Variants in SORT1 observed in about 807,000 individuals in gnomAD.
SORT1 encodes the protein sortilin.
In SORT1, 39 loss-of-function variants were observed where a neutral mutation model predicts 101.7. That is an observed-to-expected ratio of 0.38 (90% confidence interval 0.30 to 0.50). The LOEUF is 0.50. Among genes scored for constraint, SORT1 ranks in the 20% least tolerant of loss-of-function variants. The probability of loss-of-function intolerance (pLI) is 0.90; values close to 1 mark genes in which losing one functional copy is unlikely to be tolerated. For synonymous variants in SORT1, 396 were observed against 393.7 expected (o/e 1.01, Z -0.07); for missense variants, 878 against 1,040.4 (o/e 0.84, Z 2.15).
chr1:109,359,789 C>T (rs536872886), intron 3 of SORT1, among the ~76,000 whole-genome samples: 2 of 152,146 alleles, frequency 1.3e-5, no homozygotes, highest in East Asian at 1.9e-4. Flanking sequence ...CATGAGTTAC[C>T]GCATCTGGCC....
intron 19 of SORT1, 37 bp downstream of exon 19, chr1:109,314,224 G>T (rs762887402): frequency 1.0e-5 from 15 of 1,479,636 alleles, no homozygotes; most frequent in South Asian, 6.9e-5. Context: ...ATTTTTTGGG[G>T]GGGGGGGTAC....
chr1:109,330,166 A>AT (rs929648812), intron 11 of SORT1, among the ~76,000 whole-genome samples: 68 of 149,120 alleles, frequency 4.6e-4, no homozygotes, highest in East Asian at 2.0e-3. Context: ...ACGCCCAGCT[A>AT]TTTTTTTTTT....
chr1:109,353,845 G>C (rs187444987), intron 5 of SORT1, among the ~76,000 whole-genome samples: 2 of 152,196 alleles, frequency 1.3e-5, no homozygotes, highest in Admixed American at 6.5e-5. Flanking sequence ...AGAAGTGGGA[G>C]GGTTAGGGAA....
chr1:109,344,445 T>TC (rs1463955995), intron 8 of SORT1, among the ~76,000 whole-genome samples: 1 of 152,038 alleles, frequency 6.6e-6, no homozygotes, highest in African/African-American at 2.4e-5. Context: ...TTCTCTGTGC[T>TC]CCCCCCATAC....
At chr1:109,343,683 C>G (rs1455239025) in intron 8 of SORT1, among the ~76,000 whole-genome samples, 1 of 152,208 alleles carries the variant, frequency 6.6e-6, no homozygotes, top group African/African-American at 2.4e-5. Flanking sequence ...GAGTCTCACT[C>G]TGTTTCCCAG....
At chr1:109,396,837 A>T (rs1557833345) in intron 1 of SORT1, among the ~76,000 whole-genome samples, 2 of 152,224 alleles carry the variant, frequency 1.3e-5, no homozygotes, top group African/African-American at 2.4e-5. Context: ...GAAGCAAGGA[A>T]CCAGGACTTT....
At position 109,373,381 on chromosome 1, in the gene SORT1, G is replaced by C. The variant is rs552201257; in HGVS notation, c.307-3792C>G. On this transcript the variant is annotated intron_variant, in intron 1 of 19. Transcript: ENST00000256637. Reference sequence around the variant, plus strand: ...AAAAAATTCTGGAGATCTGAGCAGGGGGCCTCCCCAGCCACCCCACCAAGT... The same window carrying C: ...AAAAAATTCTGGAGATCTGAGCAGGCGGCCTCCCCAGCCACCCCACCAAGT... Among the ~76,000 whole-genome samples the C allele has an allele frequency of 1.6e-3, 248 of 152,266 alleles. 3 individuals carry two copies. The highest frequency in any genetic ancestry group is 2.5e-3 in the Non-Finnish European group (167 of 68,014).
At chr1:109,337,730 C>T (rs970405977) in intron 10 of SORT1, among the ~76,000 whole-genome samples, 6 of 152,040 alleles carry the variant, frequency 3.9e-5, no homozygotes, top group East Asian at 1.9e-4. Context: ...CGGGTTCAAG[C>T]GATTCTCCTG....
At chr1:109,360,911 C>T (rs1557810091) in intron 3 of SORT1, among the ~76,000 whole-genome samples, 2 of 152,190 alleles carry the variant, frequency 1.3e-5, no homozygotes, top group African/African-American at 2.4e-5. Flanking sequence ...CTGAATAGCT[C>T]TGTGGTCCTT....
chr1:109,355,641 A>ACCCCCCCCCCCCCCC (rs529686433), intron 3 of SORT1, among the ~76,000 whole-genome samples, 172 bp from the exon 4 acceptor site: 2 of 84,098 alleles, frequency 2.4e-5, no homozygotes, highest in African/African-American at 4.9e-5. Context: ...AGAACATTCC[A>ACCCCCCCCCCCCCCC]CCCGCCCCCC....
intron 18 of SORT1, 56 bp downstream of exon 18, chr1:109,314,615 CT>C (rs1658926574): frequency 7.9e-7 from 1 of 1,270,390 alleles, no homozygotes; most frequent in Admixed American, 1.7e-5. Context: ...GCCATATGCC[CT>C]AGATCAGCCT....
chr1:109,392,998 AG>A, intron 1 of SORT1: 1 of 985,498 alleles, frequency 1.0e-6, no homozygotes, highest in Non-Finnish European at 1.2e-6. Flanking sequence ...TGAGGCAGTT[AG>A]GAAGTTCCGG....
intron 16 of SORT1, among the ~76,000 whole-genome samples, chr1:109,317,313 T>TCCAATATGG (rs1195392877): frequency 2.0e-5 from 3 of 152,192 alleles, no homozygotes; most frequent in African/African-American, 4.8e-5. Context: ...AGCAGCACTG[T>TCCAATATGG]CCAATATGGT....
chr1:109,363,708 T>C (rs1351387474), intron 3 of SORT1, among the ~76,000 whole-genome samples: 1 of 152,194 alleles, frequency 6.6e-6, no homozygotes, highest in African/African-American at 2.4e-5. Context: ...CCTTTAACCA[T>C]ATAAGATTTA....
intron 1 of SORT1, among the ~76,000 whole-genome samples, chr1:109,374,955 C>T (rs781185937): frequency 2.5e-4 from 38 of 152,068 alleles, no homozygotes; most frequent in Non-Finnish European, 4.4e-4. Context: ...GAGACTCCGT[C>T]TCAAAAACAA....
At chr1:109,345,631 C>T in intron 8 of SORT1, 120 bp downstream of exon 8, 1 of 936,640 alleles carries the variant, frequency 1.1e-6, no homozygotes, top group South Asian at 1.8e-5. Context: ...CTAACACTCA[C>T]AGTGGTACTA....
chr1:109,319,822 G>A (rs1274381621), intron 15 of SORT1, among the ~76,000 whole-genome samples: 1 of 150,654 alleles, frequency 6.6e-6, no homozygotes, highest in African/African-American at 2.4e-5. Context: ...AGCTGAGATC[G>A]CACCACTGTA....
chr1:109,319,004 C>T (rs988276460), intron 15 of SORT1, among the ~76,000 whole-genome samples: 2 of 152,138 alleles, frequency 1.3e-5, no homozygotes, highest in African/African-American at 4.8e-5. Flanking sequence ...TCTCAAACTC[C>T]TGAGCTCAAG....
chr1:109,336,213 G>A (rs1408550391), intron 11 of SORT1, 27 bp downstream of exon 11: 1 of 1,382,016 alleles, frequency 7.2e-7, no homozygotes, highest in Admixed American at 1.7e-5. Context: ...AGGCTGCTGT[G>A]CTCTGCACAC....
Sources: allele counts gnomAD v4.1 joint callset (sites outside exome capture counted in the v4.1 genomes callset), GRCh38; gene constraint gnomAD v4.1.1; transcripts MANE v1.5; gene names NCBI Gene and HGNC (gene_info 2026-07-23, HGNC 2026-07-21).